The following KLHL15 variants were observed in gnomAD, a reference collection of about 807,000 sequenced individuals.
The protein encoded by KLHL15 is kelch like family member 15.
In KLHL15, 1 loss-of-function variant was observed where a neutral mutation model predicts 29.3. The ratio of observed to expected loss-of-function variants is 0.03; its 90% CI spans 0.01 to 0.16. The LOEUF is 0.16. Ranked by LOEUF, KLHL15 falls within the 10% of genes least tolerant of loss-of-function variation. The probability of loss-of-function intolerance (pLI) is 1.00; values close to 1 mark genes in which losing one functional copy is unlikely to be tolerated. For missense variants in KLHL15, 215 were observed against 478.5 expected, an observed-to-expected ratio of 0.45 and a Z score of 5.14; for synonymous variants, 212 against 184.5, an observed-to-expected ratio of 1.15 and a Z score of -1.21.
At chrX:23,996,209 CCT>C (rs778780263) in intron 3 of KLHL15, among the ~76,000 whole-genome samples, 1 of 111,966 alleles carries the variant, frequency 8.9e-6, no homozygotes, top group Admixed American at 9.5e-5. Flanking sequence ...TGAACAGGCA[CCT>C]CTCTGGCCCT....
chrX:23,991,907 T>C (rs189448064), intron 3 of KLHL15, among the ~76,000 whole-genome samples: 21 of 112,547 alleles, frequency 1.9e-4, no homozygotes, highest in African/African-American at 6.4e-4. Flanking sequence ...CATTCATTTC[T>C]TCTATAAATT....
chrX:23,998,205 C>T (rs1367503911), intron 3 of KLHL15, among the ~76,000 whole-genome samples: 9 of 111,282 alleles, frequency 8.1e-5, no homozygotes, highest in Non-Finnish European at 1.1e-4. Context: ...TTGTGATCCG[C>T]CCGCCTTGGC....
rs1395275055 is a variant in KLHL15 at position 23,986,090 on chromosome X, A to G, written c.*1831T>C. On this transcript the variant is annotated 3_prime_UTR_variant, in exon 4 of 4. Transcript: ENST00000328046. ...AGATTATTATTGATTTTTGAAATCA[A>G]TGCCAATGGTTTTTTCAAAAGCTAC... The G allele has an allele frequency of 9.3e-6, 1 of 107,081 alleles. No individual in the cohort carries two copies. The highest frequency in any genetic ancestry group is 2.0e-5 in the Non-Finnish European group (1 of 50,194). The allele number at this position is 107,081 out of a possible 1,213,427, so 8.8% of individuals were successfully genotyped here. A position where few individuals can be genotyped will look rare whatever the true frequency, so the allele number is the denominator to read the frequency against.
At chrX:24,008,349 T>C (rs967518831) in intron 2 of KLHL15, among the ~76,000 whole-genome samples, 1 of 111,898 alleles carries the variant, frequency 8.9e-6, no homozygotes, top group African/African-American at 3.2e-5. Flanking sequence ...CAAGCGATTC[T>C]TGTGCCTCAG....
rs1272271412 is a variant in KLHL15, at chrX:23,985,153, T to G, written c.*2768A>C. The G allele has an allele frequency of 8.9e-6, 1 of 111,811 alleles. No homozygotes were observed. Among genetic ancestry groups the G allele is most frequent in the African/African-American group, 3.2e-5 (1 of 30,864 alleles). The allele number at this position is 111,811 out of a possible 1,213,427, so 9.2% of individuals were successfully genotyped here. A position where few individuals can be genotyped will look rare whatever the true frequency, so the allele number is the denominator to read the frequency against. ...CTAATTAAGATGTAATTAATGAAGA[T>G]CAGCTATTTTTGTGAACTCTGGCAT... On this transcript the variant is annotated 3_prime_UTR_variant, in exon 4 of 4. Transcript: ENST00000328046.
At chrX:24,012,820 T>C (rs1276338369) in intron 2 of KLHL15, among the ~76,000 whole-genome samples, 1 of 111,176 alleles carries the variant, frequency 9.0e-6, no homozygotes, top group African/African-American at 3.3e-5. Flanking sequence ...TTCCCTTCTG[T>C]CCCCTAACCT....
intron 3 of KLHL15, among the ~76,000 whole-genome samples, chrX:24,000,005 C>T (rs981603008): frequency 3.6e-5 from 4 of 111,951 alleles, no homozygotes; most frequent in African/African-American, 1.3e-4. Context: ...TAGTTTCTAA[C>T]AGAAAACCTG....
chrX:24,018,817 T>C (rs1018317353), intron 2 of KLHL15, among the ~76,000 whole-genome samples: 6 of 110,988 alleles, frequency 5.4e-5, no homozygotes, highest in Admixed American at 4.8e-4. Context: ...GCCTGGTCAA[T>C]ATGGTGAAAC....
chrX:24,007,508 A>T (rs5970619), intron 2 of KLHL15, among the ~76,000 whole-genome samples: 10,406 of 34,173 alleles, frequency 0.3, 1,739 homozygotes, highest in Non-Finnish European at 0.37. Flanking sequence ...AAAAAAAAAA[A>T]ATATATATAT....
intron 2 of KLHL15, among the ~76,000 whole-genome samples, chrX:24,012,864 G>A (rs1356994236): frequency 9.0e-6 from 1 of 111,149 alleles, no homozygotes; most frequent in Non-Finnish European, 1.9e-5. Context: ...CCACATTAAA[G>A]GTTCACTTAT....
chrX:24,004,700 G>C (rs1307498909), intron 3 of KLHL15, among the ~76,000 whole-genome samples: 2 of 107,364 alleles, frequency 1.9e-5, no homozygotes, highest in Non-Finnish European at 3.8e-5. Context: ...TGAGGCAAGA[G>C]AATCGCTTGA....
chrX:24,003,645 ATATGTGTGTG>A (rs1194681875), intron 3 of KLHL15, among the ~76,000 whole-genome samples: 2 of 80,243 alleles, frequency 2.5e-5, no homozygotes, highest in African/African-American at 1.1e-4. Flanking sequence ...TAGCATAAAT[ATATGTGTGTG>A]TGTGTGTGTG....
intron 3 of KLHL15, among the ~76,000 whole-genome samples, chrX:24,002,763 G>A (rs771411156): frequency 5.1e-4 from 56 of 110,749 alleles, no homozygotes; most frequent in African/African-American, 1.8e-3. Context: ...CCAGTAGCTG[G>A]GACTCCAGGC....
At chrX:24,005,316 G>A (rs775812597) in intron 3 of KLHL15, among the ~76,000 whole-genome samples, 1 of 112,301 alleles carries the variant, frequency 8.9e-6, no homozygotes, top group Non-Finnish European at 1.9e-5. Flanking sequence ...ATGGTAAAAT[G>A]TGCCCAGGGA....
At chrX:24,016,666 C>CAA (rs200783185) in intron 2 of KLHL15, among the ~76,000 whole-genome samples, 3 of 105,968 alleles carry the variant, frequency 2.8e-5, no homozygotes, top group Admixed American at 1.0e-4. Flanking sequence ...GATCATGTCT[C>CAA]AAAAAAAAAA....
At chrX:23,991,340 C>T (rs1157920506) in intron 3 of KLHL15, among the ~76,000 whole-genome samples, 1 of 68,219 alleles carries the variant, frequency 1.5e-5, no homozygotes, top group Non-Finnish European at 2.6e-5. Flanking sequence ...GTAATAAGAA[C>T]AAAACTCTGT....
At chrX:24,007,033 TA>T (rs1391115223) in intron 2 of KLHL15, among the ~76,000 whole-genome samples, 6 of 101,143 alleles carry the variant, frequency 5.9e-5, no homozygotes, top group African/African-American at 7.2e-5. Flanking sequence ...ATAATAACAA[TA>T]AAAAAAAAAG....
At chrX:24,007,506 AAAATATATATATATAT>A (rs1929474614) in intron 2 of KLHL15, among the ~76,000 whole-genome samples, 1 of 58,377 alleles carries the variant, frequency 1.7e-5, no homozygotes, top group Non-Finnish European at 3.0e-5. Context: ...AAAAAAAAAA[AAAATATATATATATAT>A]ATATATATAT....
chrX:24,004,868 T>C (rs553110996), intron 3 of KLHL15, among the ~76,000 whole-genome samples: 3 of 110,024 alleles, frequency 2.7e-5, no homozygotes, highest in East Asian at 2.8e-4. Flanking sequence ...ACATTGAGAA[T>C]AAAAGACAAA....
Sources: gnomAD v4.1 joint callset for allele counts (sites outside exome capture counted in the v4.1 genomes callset) on GRCh38, gnomAD v4.1.1 for gene constraint, MANE v1.5 for transcripts, NCBI Gene and HGNC (gene_info 2026-07-23, HGNC 2026-07-21) for gene names.